Variants in TEX9 observed in about 807,000 individuals in gnomAD.
TEX9 encodes the protein testis expressed 9.
TEX9 carries 74 observed loss-of-function variants against 59.6 expected under a neutral mutation model. The ratio of observed to expected loss-of-function variants is 1.24; its 90% CI spans 1.03 to 1.51. The LOEUF (loss-of-function observed/expected upper bound fraction) is 1.51. Among genes scored for constraint, TEX9 ranks in the 40% most tolerant of loss-of-function variants. TEX9 has a pLI of 0.00. For missense variants in TEX9, 522 were observed against 447.8 expected, an observed-to-expected ratio of 1.17 and a Z score of -1.49; for synonymous variants, 186 against 152.2, an observed-to-expected ratio of 1.22 and a Z score of -1.64.
At chr15:56,399,234 G>C (rs963432466) in intron 9 of TEX9, among the ~76,000 whole-genome samples, 1 of 152,190 alleles carries the variant, frequency 6.6e-6, no homozygotes, top group Admixed American at 6.5e-5. Context: ...ACTGTACCTG[G>C]AAAAATGGGA....
At position 56,418,032 on chromosome 15, in the gene TEX9, G is replaced by A. The variant is rs551844416; in HGVS notation, c.963+5596G>A. ...TTTTTCTGTTTTCTATTTCCTGGTA[G>A]ATTTTCCTCTATCCCTTTATTTTGA... On this transcript the variant is annotated intron_variant, in intron 10 of 12. Coordinates refer to ENST00000352903, the Ensembl canonical transcript of TEX9. Among the ~76,000 whole-genome samples, 17 of 151,918 alleles carry A rather than the reference G, an allele frequency of 1.1e-4. No homozygotes were observed. The South Asian group carries it at 3.5e-3, about 32-fold the overall frequency.
chr15:56,296,231 G>T (rs1387640215), intron 1 of TEX9, among the ~76,000 whole-genome samples: 2 of 152,026 alleles, frequency 1.3e-5, no homozygotes, highest in South Asian at 2.1e-4. Flanking sequence ...ATAATACCTT[G>T]TAAAACTACC....
At chr15:56,257,647 T>C (rs2044174257) in intron 1 of TEX9, among the ~76,000 whole-genome samples, 1 of 152,160 alleles carries the variant, frequency 6.6e-6, no homozygotes, top group Admixed American at 6.6e-5. Context: ...GGGTTGTTTT[T>C]TCTTGTAAGT....
chr15:56,372,514 G>C (rs1455277298), intron 2 of TEX9, among the ~76,000 whole-genome samples: 1 of 152,170 alleles, frequency 6.6e-6, no homozygotes, highest in African/African-American at 2.4e-5. Context: ...ATTTATTATG[G>C]TGTTAACCTT....
At chr15:56,378,739 G>A (rs1441107295) in intron 3 of TEX9, among the ~76,000 whole-genome samples, 3 of 151,484 alleles carry the variant, frequency 2.0e-5, no homozygotes, top group Admixed American at 1.3e-4. Context: ...TACTAATTTT[G>A]GTTTGGTTTG....
At chr15:56,429,896 ATATC>A (rs1450933300) in intron 12 of TEX9, 2 of 152,194 alleles carry the variant, frequency 1.3e-5, no homozygotes, top group African/African-American at 4.8e-5. Flanking sequence ...CTCTACAAAA[ATATC>A]AAATCCCAAA....
chr15:56,283,152 T>C (rs747590484), intron 1 of TEX9, among the ~76,000 whole-genome samples: 1 of 151,680 alleles, frequency 6.6e-6, no homozygotes, highest in African/African-American at 2.4e-5. Flanking sequence ...ATGAGCAGAA[T>C]TGAGAGTTTG....
chr15:56,259,564 G>A (rs559580863), intron 1 of TEX9, among the ~76,000 whole-genome samples: 40 of 151,920 alleles, frequency 2.6e-4, no homozygotes, highest in Admixed American at 2.0e-3. Context: ...GTATATATAT[G>A]AGCCTATTTC....
intron 1 of TEX9, among the ~76,000 whole-genome samples, chr15:56,355,972 T>C (rs1463270348): frequency 1.3e-5 from 2 of 152,122 alleles, no homozygotes; most frequent in Non-Finnish European, 2.9e-5. Context: ...AGAAGTATAA[T>C]TAATTTTTGT....
At chr15:56,452,433 AC>A in the TEX9 span, among the ~76,000 whole-genome samples, 1 of 151,986 alleles carries the variant, frequency 6.6e-6, no homozygotes, top group African/African-American at 2.4e-5. Flanking sequence ...TAACTTAGGC[AC>A]CCTCTACTTA....
intron 1 of TEX9, chr15:56,248,989 T>C (rs1364505446): frequency 1.3e-5 from 2 of 152,218 alleles, no homozygotes; most frequent in Non-Finnish European, 2.9e-5. Flanking sequence ...CAAGTTACTA[T>C]ATTGGGACCT....
At chr15:56,269,492 A>G (rs2044471386) in intron 1 of TEX9, among the ~76,000 whole-genome samples, 1 of 152,100 alleles carries the variant, frequency 6.6e-6, no homozygotes, top group African/African-American at 2.4e-5. Flanking sequence ...CACTGCTTAA[A>G]TGTGTCCCAG....
intron 1 of TEX9, among the ~76,000 whole-genome samples, chr15:56,284,468 A>T (rs1398983186): frequency 2.6e-5 from 4 of 152,072 alleles, no homozygotes; most frequent in Non-Finnish European, 5.9e-5. Flanking sequence ...AGTGTATGTG[A>T]TAGCATGTAA....
the TEX9 span, among the ~76,000 whole-genome samples, chr15:56,453,041 T>C: frequency 6.6e-6 from 1 of 152,332 alleles, no homozygotes; most frequent in South Asian, 2.1e-4. Context: ...TAGTCAGTTA[T>C]ATTTTCTTTT....
At chr15:56,303,566 A>G (rs1336459356) in intron 1 of TEX9, among the ~76,000 whole-genome samples, 7 of 152,178 alleles carry the variant, frequency 4.6e-5, no homozygotes, top group African/African-American at 1.7e-4. Context: ...ATTTATAGCA[A>G]TGAGTGCCTA....
chr15:56,424,293 T>C (rs956028034), intron 10 of TEX9, among the ~76,000 whole-genome samples: 45 of 152,184 alleles, frequency 3.0e-4, no homozygotes, highest in African/African-American at 1.0e-3. Flanking sequence ...TTGTCAGATA[T>C]TACTGTAGTC....
intron 1 of TEX9, among the ~76,000 whole-genome samples, chr15:56,256,387 C>G (rs549534554): frequency 5.3e-5 from 8 of 151,946 alleles, no homozygotes; most frequent in South Asian, 4.1e-4. Context: ...GAAAACAATA[C>G]AAATCAAAAT....
At chr15:56,281,249 A>AG (rs1452654000) in intron 1 of TEX9, among the ~76,000 whole-genome samples, 1 of 152,358 alleles carries the variant, frequency 6.6e-6, no homozygotes, top group Non-Finnish European at 1.5e-5. Flanking sequence ...ATTCCTTCAA[A>AG]GATACTGGTT....
At chr15:56,366,938 A>C (rs2046972871) in intron 2 of TEX9, among the ~76,000 whole-genome samples, 1 of 152,246 alleles carries the variant, frequency 6.6e-6, no homozygotes, top group African/African-American at 2.4e-5. Flanking sequence ...GTACTTAAGC[A>C]AATTAATCTG....
Sources: gnomAD v4.1 joint callset for allele counts (sites outside exome capture counted in the v4.1 genomes callset) on GRCh38, gnomAD v4.1.1 for gene constraint, MANE v1.5 for transcripts, NCBI Gene and HGNC (gene_info 2026-07-23, HGNC 2026-07-21) for gene names.